The following CNBD1 variants were observed in gnomAD, a reference collection of about 807,000 sequenced individuals.
The protein encoded by CNBD1 is cyclic nucleotide-binding domain-containing protein 1.
Under a neutral mutation model 54.4 loss-of-function variants are expected in CNBD1, and 71 were observed. The observed-to-expected ratio is 1.30, with a 90% CI of 1.08 to 1.59. CNBD1 has a LOEUF of 1.59. CNBD1 is among the 40% of genes most tolerant of loss of function. The pLI is 0.00. For synonymous variants in CNBD1, 182 were observed against 170.7 expected, an observed-to-expected ratio of 1.07 and a Z score of -0.51; for missense variants, 659 against 518.0, an observed-to-expected ratio of 1.27 and a Z score of -2.64.
At chr8:87,340,644 C>T (rs1488995390) in intron 8 of CNBD1, among the ~76,000 whole-genome samples, 2 of 151,868 alleles carry the variant, frequency 1.3e-5, no homozygotes, top group Admixed American at 6.6e-5. Flanking sequence ...GCTTTTCTGT[C>T]AGGAAAATTT....
At chr8:87,341,359 A>T (rs1810059824) in intron 8 of CNBD1, among the ~76,000 whole-genome samples, 1 of 152,132 alleles carries the variant, frequency 6.6e-6, no homozygotes, top group Non-Finnish European at 1.5e-5. Flanking sequence ...CTTCTTTAAA[A>T]GTGTGAACAT....
At chr8:87,416,419 T>C (rs1807834355) in intron 2 of CNBD1, among the ~76,000 whole-genome samples, 1 of 152,024 alleles carries the variant, frequency 6.6e-6, no homozygotes, top group South Asian at 2.1e-4. Flanking sequence ...GTGAGACCAA[T>C]GAACTTTGTG....
At chr8:87,261,378 A>G (rs1417135548) in intron 6 of CNBD1, among the ~76,000 whole-genome samples, 1 of 152,048 alleles carries the variant, frequency 6.6e-6, no homozygotes, top group African/African-American at 2.4e-5. Flanking sequence ...CACTTCTGAC[A>G]CCATCTGTTA....
chr8:87,083,158 A>C (rs2130668082), intron 4 of CNBD1, among the ~76,000 whole-genome samples: 1 of 152,332 alleles, frequency 6.6e-6, no homozygotes, highest in Non-Finnish European at 1.5e-5. Flanking sequence ...ACACTATGTG[A>C]CAAAGAAGAA....
chr8:87,258,266 G>T (rs551712011), intron 6 of CNBD1, among the ~76,000 whole-genome samples: 2 of 152,062 alleles, frequency 1.3e-5, no homozygotes, highest in East Asian at 3.9e-4. Context: ...CATTCATTTA[G>T]CCAAAATGAT....
rs190857433 is a variant in CNBD1, at chr8:87,219,151, G to A, written c.577+13013G>A. On this transcript the variant is annotated intron_variant, in intron 5 of 10. Transcript: ENST00000518476. ...ATTGATACATGAGGCTTAGACATAC[G>A]TGTGTCATTTGATAACTGTCTTAAA... Among the ~76,000 whole-genome samples, 63 of 152,054 alleles carry A rather than the reference G, an allele frequency of 4.1e-4. No individual in the cohort carries two copies. The East Asian group carries it at 0.01, about 24-fold the overall frequency.
chr8:87,313,705 G>A (rs1031286430), intron 8 of CNBD1, among the ~76,000 whole-genome samples: 5 of 151,330 alleles, frequency 3.3e-5, no homozygotes, highest in Non-Finnish European at 7.4e-5. Context: ...TTACTAGATA[G>A]AAAAGAAAAA....
chr8:87,077,412 C>CT (rs374931620), intron 4 of CNBD1, among the ~76,000 whole-genome samples: 25,607 of 129,532 alleles, frequency 0.2, 2,378 homozygotes, highest in Middle Eastern at 0.24. Flanking sequence ...TCTTCTTCTT[C>CT]TTTTTTTTTT....
At chr8:87,312,918 G>A (rs572683671) in intron 8 of CNBD1, among the ~76,000 whole-genome samples, 1 of 152,096 alleles carries the variant, frequency 6.6e-6, no homozygotes, top group South Asian at 2.1e-4. Context: ...TTTGCTCCCA[G>A]AAAAGTTGGG....
chr8:86,867,556 T>C (rs1156677654), intron 1 of CNBD1, among the ~76,000 whole-genome samples: 1 of 152,156 alleles, frequency 6.6e-6, no homozygotes, highest in African/African-American at 2.4e-5. Flanking sequence ...TGAATAGTGT[T>C]AGACAAAATC....
chr8:87,396,979 T>C (rs921133047), intron 2 of CNBD1, among the ~76,000 whole-genome samples: 1 of 151,564 alleles, frequency 6.6e-6, no homozygotes, highest in Non-Finnish European at 1.5e-5. Context: ...ATGAATCACG[T>C]ATAACTAATT....
At chr8:87,381,177 C>G (rs996575908) in intron 10 of CNBD1, among the ~76,000 whole-genome samples, 15 of 151,870 alleles carry the variant, frequency 9.9e-5, no homozygotes, top group East Asian at 5.8e-4. Context: ...AGACAATATT[C>G]CATTTCAATA....
intron 2 of CNBD1, among the ~76,000 whole-genome samples, chr8:87,425,516 T>C (rs1282840688): frequency 6.6e-6 from 1 of 152,114 alleles, no homozygotes; most frequent in East Asian, 1.9e-4. Flanking sequence ...GTCCTTTCTG[T>C]TTGTTAGTTT....
intron 4 of CNBD1, among the ~76,000 whole-genome samples, chr8:86,964,394 T>C (rs1334117347): frequency 6.6e-6 from 1 of 152,226 alleles, no homozygotes. Flanking sequence ...CCTGGTCCTA[T>C]ATAAGATGTA....
chr8:86,973,337 C>T (rs1808267279), intron 4 of CNBD1, among the ~76,000 whole-genome samples: 2 of 152,162 alleles, frequency 1.3e-5, no homozygotes, highest in South Asian at 2.1e-4. Flanking sequence ...TCTATCTATA[C>T]ATGGAATTTT....
intron 8 of CNBD1, among the ~76,000 whole-genome samples, chr8:87,288,839 C>A (rs1250506683): frequency 6.6e-6 from 1 of 152,046 alleles, no homozygotes; most frequent in African/African-American, 2.4e-5. Flanking sequence ...TATTTAACCT[C>A]CTTAGAGAAG....
chr8:87,256,004 TATATA>T (rs1808008073), intron 6 of CNBD1, among the ~76,000 whole-genome samples: 20 of 19,144 alleles, frequency 1.0e-3, no homozygotes, highest in Admixed American at 2.7e-3. Flanking sequence ...TATATATATA[TATATA>T]TATATATTTT....
intron 5 of CNBD1, among the ~76,000 whole-genome samples, chr8:87,230,830 T>A (rs1416989084): frequency 1.1e-4 from 17 of 152,214 alleles, no homozygotes; most frequent in Non-Finnish European, 1.5e-5. Flanking sequence ...GAATAGCCAA[T>A]CAACCCACTT....
intron 6 of CNBD1, among the ~76,000 whole-genome samples, chr8:87,251,318 G>A (rs1807912505): frequency 6.6e-6 from 1 of 152,012 alleles, no homozygotes; most frequent in Admixed American, 6.6e-5. Flanking sequence ...TGGGTGCATT[G>A]GCTTATGCCT....
Sources: allele counts gnomAD v4.1 joint callset (sites outside exome capture counted in the v4.1 genomes callset), GRCh38; gene constraint gnomAD v4.1.1; transcripts MANE v1.5; gene names NCBI Gene and HGNC (gene_info 2026-07-23, HGNC 2026-07-21).